The following WASHC4 variants were observed in gnomAD, a reference collection of about 807,000 sequenced individuals.
WASHC4 encodes the protein WASH complex subunit 7.
A neutral mutation model predicts 166.6 loss-of-function variants in WASHC4; 86 were observed. The ratio of observed to expected loss-of-function variants is 0.52; its 90% CI spans 0.43 to 0.62. WASHC4 has a LOEUF of 0.62. WASHC4 is among the 20% of genes least tolerant of loss of function. The pLI is 0.00. For missense variants in WASHC4, 1,262 were observed against 1,382.4 expected (o/e 0.91, Z 1.38); for synonymous variants, 446 against 451.6 (o/e 0.99, Z 0.16).
At chr12:105,131,643 G>C (rs1881832689) in intron 13 of WASHC4, among the ~76,000 whole-genome samples, 1 of 152,114 alleles carries the variant, frequency 6.6e-6, no homozygotes, top group Non-Finnish European at 1.5e-5. Flanking sequence ...CTGTACATGG[G>C]ATTCCTGCTG....
chr12:105,150,718 G>T (rs1361414659), intron 25 of WASHC4, among the ~76,000 whole-genome samples: 1 of 152,204 alleles, frequency 6.6e-6, no homozygotes, highest in Admixed American at 6.5e-5. Flanking sequence ...CTGCTATGAA[G>T]AAATACCTGT....
intron 29 of WASHC4, among the ~76,000 whole-genome samples, chr12:105,161,792 A>T (rs1255258944): frequency 6.6e-6 from 1 of 152,220 alleles, no homozygotes. Context: ...AGGCTATTAT[A>T]GTACTTAGCA....
At position 105,167,472 on chromosome 12, in the gene WASHC4, A is replaced by G. The variant is rs1460118595; in HGVS notation, c.*541A>G. 6.5e-6 allele frequency: 1 copy of G among 153,258 alleles called. No individual in the cohort carries two copies. Among genetic ancestry groups the G allele is most frequent in the Non-Finnish European group, 1.5e-5 (1 of 68,568 alleles). 9.5% of individuals were successfully genotyped at this position (153,258 alleles called of 1,614,324 possible). ...GTTTTATGTACTCTCAGTGTACAGT[A>G]TAACTGATGATCCTTCTTTCATTGT... On this transcript the variant is annotated 3_prime_UTR_variant, in exon 33 of 33. Transcript: ENST00000332180.
chr12:105,164,783 T>C, intron 32 of WASHC4, 43 bp downstream of exon 32: 1 of 1,349,452 alleles, frequency 7.4e-7, no homozygotes, highest in Non-Finnish European at 1.1e-6. Context: ...TAAATGTCTT[T>C]AGTAATAGAC....
intron 24 of WASHC4, chr12:105,148,144 A>G (rs1883464043): frequency 3.0e-6 from 3 of 985,074 alleles, no homozygotes; most frequent in South Asian, 4.7e-5. Context: ...TCATTTAAGT[A>G]TACAGTGGAA....
chr12:105,163,105 C>G (rs751400586), intron 30 of WASHC4, among the ~76,000 whole-genome samples: 15 of 152,084 alleles, frequency 9.9e-5, no homozygotes, highest in African/African-American at 1.4e-4. Context: ...TACAGGCACT[C>G]GCCACCACAC....
At chr12:105,144,513 TA>T in intron 21 of WASHC4, 58 bp downstream of exon 21, 1 of 1,397,962 alleles carries the variant, frequency 7.2e-7, no homozygotes, top group Non-Finnish European at 1.0e-6. Flanking sequence ...TTTTTTACCC[TA>T]CTGTTAAACA....
intron 22 of WASHC4, among the ~76,000 whole-genome samples, chr12:105,145,629 GATAAAT>G (rs1883230598): frequency 6.6e-6 from 1 of 151,916 alleles, no homozygotes; most frequent in African/African-American, 2.4e-5. Flanking sequence ...GGAATACAAA[GATAAAT>G]ATAAATAGTC....
In WASHC4 at chr12:105,154,133, C is replaced by T. The variant is rs907574940; in HGVS notation, c.2758+1682C>T. 2.0e-5 allele frequency among the ~76,000 whole-genome samples: 3 copies of T among 151,522 alleles called. No individual in the cohort carries two copies. In the East Asian group the frequency reaches 5.8e-4, roughly 29 times the overall value. On this transcript the variant is annotated intron_variant, in intron 26 of 32. Coordinates refer to ENST00000332180, the MANE Select transcript of WASHC4 (RefSeq NM_015275.3). ...GCAACCTGTGCCTCCTAGGTTCAAGCGATTCTCCCGCCTCAGCCTCCTTAG... is the reference window on the plus strand; with the variant it reads ...GCAACCTGTGCCTCCTAGGTTCAAGTGATTCTCCCGCCTCAGCCTCCTTAG...
At chr12:105,160,173 G>T (rs1003391891) in intron 29 of WASHC4, 25 bp downstream of exon 29, 4 of 1,601,588 alleles carry the variant, frequency 2.5e-6, no homozygotes, top group Non-Finnish European at 3.4e-6. Context: ...AACCTAAAAT[G>T]AATTTTTTTT....
chr12:105,166,727 T>C (rs1360769203), intron 32 of WASHC4, 137 bp from the exon 33 acceptor site: 3 of 677,110 alleles, frequency 4.4e-6, no homozygotes, highest in African/African-American at 1.8e-5. Flanking sequence ...TAATTTGTGA[T>C]GTTAGAGAAA....
chr12:105,144,492 C>CTTTTTT, intron 21 of WASHC4, 37 bp downstream of exon 21: 1 of 1,338,742 alleles, frequency 7.5e-7, no homozygotes, highest in Non-Finnish European at 1.0e-6. Flanking sequence ...GTCATATTCT[C>CTTTTTT]TTTTTTTTTT....
rs566001508 is a variant in WASHC4 at position 105,119,331 on chromosome 12, A to T, written c.518+803A>T. Among the ~76,000 whole-genome samples the T allele has an allele frequency of 4.6e-5, 7 of 152,186 alleles. No individual in the cohort carries two copies. The East Asian group carries it at 1.2e-3, about 25-fold the overall frequency. On this transcript the variant is annotated intron_variant, in intron 7 of 32. Transcript: ENST00000332180. ...ATTTGATTAGTTCTTTATACTTAAA[A>T]TTTTTTTTCCACACTTACAATCTAA...
At position 105,150,624 on chromosome 12, in the gene WASHC4, T is replaced by G. The variant is rs534367809; in HGVS notation, c.2649+875T>G. On this transcript the variant is annotated intron_variant, in intron 25 of 32. Coordinates refer to ENST00000332180, the MANE Select transcript of WASHC4 (RefSeq NM_015275.3). The stretch of plus-strand genomic sequence containing the variant: ...CATGGCGAAACCTCATCTCTACTAA[T>G]AATACCAAAATTAGCCGGGCATGGT... Among the ~76,000 whole-genome samples the G allele has an allele frequency of 2.0e-5, 3 of 152,268 alleles. No individual in the cohort carries two copies. The East Asian group carries it at 5.8e-4, about 29-fold the overall frequency.
At chr12:105,142,703 C>A in intron 19 of WASHC4, 145 bp downstream of exon 19, 1 of 596,550 alleles carries the variant, frequency 1.7e-6, no homozygotes, top group Non-Finnish European at 3.0e-6. Flanking sequence ...TGTTTATAGT[C>A]TGTAGTTAAA....
At position 105,126,132 on chromosome 12, in the gene WASHC4, T is replaced by C; in HGVS notation, c.910+5T>C. On this transcript the variant is annotated splice_donor_5th_base_variant and intron_variant, in intron 11 of 32. Transcript: ENST00000332180. Reference sequence around the variant, plus strand: ...CAAATGTAGAAGCCAAACTTGGTAATGTAAATCGCATTTTTTGGTTTTTGT... The same window carrying C: ...CAAATGTAGAAGCCAAACTTGGTAACGTAAATCGCATTTTTTGGTTTTTGT... 1.9e-6 allele frequency: 3 copies of C among 1,612,968 alleles called. No individual in the cohort carries two copies. The highest frequency in any genetic ancestry group is 2.5e-6 in the Non-Finnish European group (3 of 1,179,304).
intron 7 of WASHC4, among the ~76,000 whole-genome samples, chr12:105,119,176 C>T (rs904659039): frequency 1.3e-5 from 2 of 152,094 alleles, no homozygotes; most frequent in African/African-American, 2.4e-5. Context: ...GAGAAGAAGC[C>T]TCATGGAATT....
At position 105,127,305 on chromosome 12, in the gene WASHC4, A is replaced by G. The variant is rs773004534; in HGVS notation, c.1199+16A>G. The G allele has an allele frequency of 2.6e-6, 4 of 1,514,180 alleles. No homozygotes were observed. The African/African-American group carries it at 4.1e-5, about 16-fold the overall frequency. The allele number at this position is 1,514,180 out of a possible 1,614,324, so 93.8% of individuals were successfully genotyped here. On this transcript the variant is annotated intron_variant, in intron 13 of 32. Coordinates refer to ENST00000332180, the MANE Select transcript of WASHC4 (RefSeq NM_015275.3). ...CACTTACCAAGTAGGTTTTATAAAC[A>G]AGTATAATGAAAATATTTAGATATC...
rs58569487 is a variant in WASHC4 at position 105,132,787 on chromosome 12, AGTGTGTGTGTGTGT to A, written c.1200-952_1200-939del. ...AGTTAATGTGAGGGGTGAAAGAGGTAGTGTGTGTGTGTGTGTGTGTGTGTGTGTGTGTGTGTGTG... is the reference window on the plus strand; with the variant it reads ...AGTTAATGTGAGGGGTGAAAGAGGTAGTGTGTGTGTGTGTGTGTGTGTGTG... On this transcript the variant is annotated intron_variant, in intron 13 of 32. Transcript: ENST00000332180. Among the ~76,000 whole-genome samples, 196 of 142,532 alleles carry A rather than the reference AGTGTGTGTGTGTGT, an allele frequency of 1.4e-3. 2 individuals are homozygous for A. The highest frequency in any genetic ancestry group is 3.4e-3 in the African/African-American group (130 of 37,896). The allele number at this position is 142,532 out of a possible 152,430, so 93.5% of individuals were successfully genotyped here. A position where few individuals can be genotyped will look rare whatever the true frequency, so the allele number is the denominator to read the frequency against.
Sources: allele counts gnomAD v4.1 joint callset (sites outside exome capture counted in the v4.1 genomes callset), GRCh38; gene constraint gnomAD v4.1.1; transcripts MANE v1.5; gene names NCBI Gene and HGNC (gene_info 2026-07-23, HGNC 2026-07-21).